DRC3: variants seen among roughly 807,000 people sequenced by gnomAD.
DRC3 encodes the protein leucine rich repeat containing 48.
A neutral mutation model predicts 57.6 loss-of-function variants in DRC3; 45 were observed. The observed-to-expected ratio is 0.78, with a 90% confidence interval of 0.62 to 1.00. DRC3 has a LOEUF of 1.00. Among genes scored for constraint, DRC3 ranks in the 50% least tolerant of loss-of-function variants. The probability of loss-of-function intolerance (pLI) is 0.00; values close to 1 mark genes in which losing one functional copy is unlikely to be tolerated. For missense variants in DRC3, 655 were observed against 675.2 expected, an observed-to-expected ratio of 0.97 and a Z score of 0.33; for synonymous variants, 257 against 272.3, an observed-to-expected ratio of 0.94 and a Z score of 0.55.
intron 2 of DRC3, among the ~76,000 whole-genome samples, chr17:17,975,563 A>AAATAT (rs1278619130): frequency 6.8e-6 from 1 of 146,026 alleles, no homozygotes; most frequent in Non-Finnish European, 1.5e-5. Flanking sequence ...AACATCAGCC[A>AAATAT]AATATAACAC....
At chr17:17,996,398 A>G (rs543328485) in intron 8 of DRC3, among the ~76,000 whole-genome samples, 2 of 152,360 alleles carry the variant, frequency 1.3e-5, no homozygotes, top group African/African-American at 4.8e-5. Flanking sequence ...GGAGCAAGTC[A>G]CATCTTACAT....
rs1168832024 is a variant in DRC3 at position 17,983,879 on chromosome 17, A to G, written c.212A>G (p.Gln71Arg). Residue 71 changes from glutamine to arginine, a missense_variant, in exon 4 of 14, where the codon CAG becomes CGG. Physicochemically the swap from Gln to Arg is conservative, Grantham distance 43. Transcript: ENST00000399187. ...LWQFENLRKLQLDNNIIEKIE... is the reference protein window; with the variant it reads ...LWQFENLRKLRLDNNIIEKIE... ...CAGTTTGAGAACTTGAGGAAGCTGC[A>G]GCTGGACAATAACATCATTGAGAAG... is the stretch of plus-strand genomic sequence containing the variant. 9 of 1,613,690 alleles carry G rather than the reference A, an allele frequency of 5.6e-6. No homozygotes were observed. Among genetic ancestry groups the G allele is most frequent in the Non-Finnish European group, 6.8e-6 (8 of 1,179,648 alleles).
At chr17:17,994,115 A>C in intron 6 of DRC3, 184 bp from the exon 7 acceptor site, 1 of 700,624 alleles carries the variant, frequency 1.4e-6, no homozygotes, top group Non-Finnish European at 2.2e-6. Context: ...AAACCTGGTG[A>C]GGGTCATCAG....
At chr17:17,994,925 T>G in intron 7 of DRC3, 74 bp from the exon 8 acceptor site, 2 of 981,254 alleles carry the variant, frequency 2.0e-6, no homozygotes, top group Admixed American at 1.8e-5. Context: ...TGACCTGCCT[T>G]CCTCATGGGC....
intron 4 of DRC3, 110 bp from the exon 5 acceptor site, chr17:17,987,822 G>A (rs2043031585): frequency 1.8e-6 from 2 of 1,138,506 alleles, no homozygotes; most frequent in South Asian, 1.5e-5. Context: ...TCTGGCCCTG[G>A]CAGCTTGGTG....
At position 18,008,515 on chromosome 17, in the gene DRC3, A is replaced by T. The variant is rs2044058039; in HGVS notation, c.1326+1368A>T. On this transcript the variant is annotated intron_variant, in intron 12 of 13. Coordinates refer to ENST00000399187, the MANE Select transcript of DRC3 (RefSeq NM_031294.4). This position sits in a 1 kb window ranked among gnomAD's most constrained non-coding sequence, Gnocchi z 4.3. ...ACAGATGCCAGGCATCATCTGCAGAATGAGTGTGAGAGCGTATGCTCACCA... is the reference window on the plus strand; with the variant it reads ...ACAGATGCCAGGCATCATCTGCAGATTGAGTGTGAGAGCGTATGCTCACCA... Among the ~76,000 whole-genome samples, 2 of 152,216 alleles carry T rather than the reference A, an allele frequency of 1.3e-5. No individual in the cohort carries two copies. Among genetic ancestry groups the T allele is most frequent in the African/African-American group, 2.4e-5 (1 of 41,460 alleles).
intron 3 of DRC3, among the ~76,000 whole-genome samples, chr17:17,982,434 C>T (rs945202886): frequency 1.1e-4 from 17 of 151,928 alleles, no homozygotes; most frequent in African/African-American, 4.1e-4. Context: ...CCAGGATGGT[C>T]TCCACCTCCT....
chr17:18,007,812 A>G (rs1004101087), intron 12 of DRC3: 20 of 1,034,184 alleles, frequency 1.9e-5, no homozygotes, highest in Non-Finnish European at 2.3e-5. Flanking sequence ...GCTTTAGTGC[A>G]TGCATCATTC....
rs755883906 is a variant in DRC3 at position 17,977,790 on chromosome 17, G to A, written c.160+32G>A. 4.5e-6 allele frequency: 7 copies of A among 1,539,086 alleles called. No homozygotes were observed. The African/African-American group carries it at 9.7e-5, about 21-fold the overall frequency. On this transcript the variant is annotated intron_variant, in intron 3 of 13. Transcript: ENST00000399187. Reference sequence around the variant, plus strand: ...ATCCAAGGTTCAGGGGTGGTGGCCAGGGTGGGCCCTCCCTGGCTTTCTCTG... The same window carrying A: ...ATCCAAGGTTCAGGGGTGGTGGCCAAGGTGGGCCCTCCCTGGCTTTCTCTG...
At chr17:18,013,591 G>T (rs2044245130) in intron 12 of DRC3, among the ~76,000 whole-genome samples, 1 of 152,160 alleles carries the variant, frequency 6.6e-6, no homozygotes, top group Non-Finnish European at 1.5e-5. Context: ...TAAAAAAGTT[G>T]ATCTCATAGA....
intron 10 of DRC3, chr17:18,005,929 A>G: frequency 2.0e-6 from 1 of 491,986 alleles, no homozygotes; most frequent in East Asian, 3.5e-5. Flanking sequence ...GACCAGGACA[A>G]GTGTTCCTGG....
At chr17:18,002,472 T>C (rs189640254) in intron 9 of DRC3, among the ~76,000 whole-genome samples, 9 of 152,310 alleles carry the variant, frequency 5.9e-5, no homozygotes, top group Admixed American at 5.9e-4. Flanking sequence ...GACCCCAGGT[T>C]GCCATATACC....
intron 12 of DRC3, among the ~76,000 whole-genome samples, chr17:18,010,103 T>C (rs148267548): frequency 6.6e-6 from 1 of 152,196 alleles, no homozygotes; most frequent in African/African-American, 2.4e-5. Flanking sequence ...CCCCAGGGTC[T>C]GCTCAAGTGG....
rs139882031 is a variant in DRC3 at position 18,010,980 on chromosome 17, C to T, written c.1326+3833C>T. On this transcript the variant is annotated intron_variant, in intron 12 of 13. Coordinates refer to ENST00000399187, the MANE Select transcript of DRC3 (RefSeq NM_031294.4). ...TTTGTTTGTTTGTTTGTTTTTGAGA[C>T]GGAATTTTGCTTTTTTGCCCAGGCT... is the stretch of plus-strand genomic sequence containing the variant. The T allele has an allele frequency of 5.7e-3, 1,305 of 227,078 alleles. 60 individuals carry two copies. The Admixed American group carries it at 0.064, about 11-fold the overall frequency. The allele number at this position is 227,078 out of a possible 1,614,324, so 14.1% of individuals were successfully genotyped here.
chr17:17,984,049 C>A, intron 4 of DRC3, 105 bp downstream of exon 4: 2 of 702,038 alleles, frequency 2.8e-6, no homozygotes, highest in East Asian at 2.7e-5. Context: ...CAGCTGCTGG[C>A]CCATCATTAG....
chr17:18,002,322 C>T (rs754929680), intron 9 of DRC3, among the ~76,000 whole-genome samples: 5 of 152,118 alleles, frequency 3.3e-5, no homozygotes, highest in Non-Finnish European at 7.3e-5. Flanking sequence ...TTATGTCATT[C>T]GCCCCCTTCA....
rs2043360551 is a variant in DRC3 at position 17,994,296 on chromosome 17, C to A, written c.592-3C>A. ...AACAATGCCACTCCCGTTCCCTGGT[C>A]AGAAAAAGCTTGCGGAGGCTAAGCA... On this transcript the variant is annotated splice_polypyrimidine_tract_variant and splice_region_variant and intron_variant, in intron 6 of 13. Transcript: ENST00000399187. The A allele has an allele frequency of 6.4e-7, 1 of 1,551,716 alleles. No individual in the cohort carries two copies. Among genetic ancestry groups the A allele is most frequent in the South Asian group, 1.2e-5 (1 of 83,996 alleles).
chr17:18,006,460 C>CT (rs2043954844), intron 11 of DRC3: 1 of 592,510 alleles, frequency 1.7e-6, no homozygotes, highest in African/African-American at 1.9e-5. Context: ...TGATTGTTCT[C>CT]ATATGAGTGA....
chr17:18,003,792 G>C (rs753871441), intron 9 of DRC3, among the ~76,000 whole-genome samples: 13 of 146,050 alleles, frequency 8.9e-5, no homozygotes, highest in Non-Finnish European at 1.6e-4. Context: ...ACAGGCACCC[G>C]CCACCATGCC....
Sources: gnomAD v4.1 joint callset for allele counts (sites outside exome capture counted in the v4.1 genomes callset) on GRCh38, gnomAD v4.1.1 for gene constraint, Gnocchi (gnomAD v3.1) non-coding constraint, MANE v1.5 for transcripts, NCBI Gene and HGNC (gene_info 2026-07-23, HGNC 2026-07-21) for gene names.